The following ARHGAP15 variants were observed in gnomAD, a reference collection of about 807,000 sequenced individuals.
ARHGAP15 encodes rho GTPase-activating protein 15.
ARHGAP15 carries 51 observed loss-of-function variants against 63.7 expected under a neutral mutation model. The ratio of observed to expected loss-of-function variants is 0.80; its 90% CI spans 0.64 to 1.01. The LOEUF is 1.01. Among genes scored for constraint, ARHGAP15 ranks in the 50% least tolerant of loss-of-function variants. ARHGAP15 has a pLI of 0.00. For missense variants in ARHGAP15, 560 were observed against 564.6 expected (o/e 0.99, Z 0.08); for synonymous variants, 191 against 193.8 (o/e 0.99, Z 0.12).
chr2:143,147,465 T>C (rs185765463), intron 1 of ARHGAP15, among the ~76,000 whole-genome samples: 1 of 152,166 alleles, frequency 6.6e-6, no homozygotes, highest in Admixed American at 6.5e-5. Flanking sequence ...CTCATCTGTA[T>C]CTAAGAAGAT....
chr2:143,757,642 G>A (rs1046672315), intron 13 of ARHGAP15, among the ~76,000 whole-genome samples: 4 of 152,154 alleles, frequency 2.6e-5, no homozygotes, highest in African/African-American at 9.7e-5. Flanking sequence ...TCAATGGAGA[G>A]TGGTGGTTTA....
intron 8 of ARHGAP15, among the ~76,000 whole-genome samples, chr2:143,475,224 T>G (rs1184751379): frequency 6.6e-6 from 1 of 152,232 alleles, no homozygotes; most frequent in East Asian, 1.9e-4. Flanking sequence ...CTTTGTTTAG[T>G]GAGCATAAGC....
At chr2:143,347,275 C>T (rs779562057) in intron 6 of ARHGAP15, among the ~76,000 whole-genome samples, 1 of 152,124 alleles carries the variant, frequency 6.6e-6, no homozygotes, top group Non-Finnish European at 1.5e-5. Context: ...AAAAAGCTGC[C>T]GCAGCTGGTA....
intron 12 of ARHGAP15, among the ~76,000 whole-genome samples, chr2:143,686,636 C>T (rs1683364198): frequency 6.6e-6 from 1 of 151,892 alleles, no homozygotes. Context: ...GTATAAATGC[C>T]ATATAGAGGC....
chr2:143,463,758 T>C (rs1476666183), intron 8 of ARHGAP15, among the ~76,000 whole-genome samples: 1 of 152,212 alleles, frequency 6.6e-6, no homozygotes, highest in Non-Finnish European at 1.5e-5. Context: ...ACTTAAAGTC[T>C]GATTATTAGA....
intron 6 of ARHGAP15, among the ~76,000 whole-genome samples, chr2:143,253,621 C>A (rs1680272104): frequency 6.6e-6 from 1 of 151,900 alleles, no homozygotes. Flanking sequence ...TAACAGCACA[C>A]TCTTTGGCCT....
At chr2:143,269,294 A>T (rs1681152494) in intron 6 of ARHGAP15, among the ~76,000 whole-genome samples, 1 of 152,188 alleles carries the variant, frequency 6.6e-6, no homozygotes, top group Non-Finnish European at 1.5e-5. Flanking sequence ...TATTTAACAC[A>T]TGAGGTTGAA....
At chr2:143,458,453 C>A (rs934814845) in intron 8 of ARHGAP15, among the ~76,000 whole-genome samples, 17 of 152,106 alleles carry the variant, frequency 1.1e-4, no homozygotes, top group Admixed American at 2.6e-4. Context: ...CTGAGACCTG[C>A]GCAATGACTC....
intron 13 of ARHGAP15, among the ~76,000 whole-genome samples, chr2:143,748,540 A>G (rs1408254185): frequency 6.6e-6 from 1 of 152,250 alleles, no homozygotes; most frequent in Non-Finnish European, 1.5e-5. Flanking sequence ...AGAAAAAATA[A>G]TCACAATATC....
intron 6 of ARHGAP15, among the ~76,000 whole-genome samples, chr2:143,356,292 T>C (rs1292689951): frequency 2.0e-5 from 3 of 152,214 alleles, no homozygotes; most frequent in East Asian, 1.9e-4. Context: ...ACTGCAATGC[T>C]AATTCTGCTT....
At chr2:143,274,641 C>T (rs556740557) in intron 6 of ARHGAP15, among the ~76,000 whole-genome samples, 44 of 152,324 alleles carry the variant, frequency 2.9e-4, no homozygotes, top group African/African-American at 1.0e-3. Flanking sequence ...AATCTAATAA[C>T]TGTCTCATGT....
chr2:143,494,392 C>T (rs1692723777), intron 9 of ARHGAP15, among the ~76,000 whole-genome samples: 1 of 152,046 alleles, frequency 6.6e-6, no homozygotes, highest in Non-Finnish European at 1.5e-5. Flanking sequence ...ACCATGAAAA[C>T]AAAAACTGTG....
chr2:143,624,379 C>T (rs1200340602), intron 12 of ARHGAP15, 112 bp downstream of exon 12: 20 of 1,233,604 alleles, frequency 1.6e-5, no homozygotes, highest in African/African-American at 3.0e-5. Context: ...ATAGTATCCC[C>T]GATGCTCCAT....
chr2:143,424,931 G>T (rs1689080180), intron 6 of ARHGAP15, among the ~76,000 whole-genome samples: 1 of 152,082 alleles, frequency 6.6e-6, no homozygotes, highest in African/African-American at 2.4e-5. Context: ...TCTCAGTATT[G>T]TGTGTGTTGG....
At position 143,176,758 on chromosome 2, in the gene ARHGAP15, G is replaced by A. The variant is rs540699660; in HGVS notation, c.165+21103G>A. On this transcript the variant is annotated intron_variant, in intron 2 of 13. Transcript: ENST00000295095. ...CTGCAGTTTGGGCAGGATTCACAAGGCAAGGCTCATCTCATTGGCTGGGGC... is the reference window on the plus strand; with the variant it reads ...CTGCAGTTTGGGCAGGATTCACAAGACAAGGCTCATCTCATTGGCTGGGGC... 7.2e-5 allele frequency among the ~76,000 whole-genome samples: 11 copies of A among 152,306 alleles called. No individual in the cohort carries two copies. The East Asian group carries it at 2.1e-3, about 29-fold the overall frequency.
intron 5 of ARHGAP15, among the ~76,000 whole-genome samples, chr2:143,230,639 T>A (rs1342097275): frequency 1.3e-5 from 2 of 152,188 alleles, no homozygotes; most frequent in Non-Finnish European, 2.9e-5. Context: ...AATTACAGAT[T>A]TATGTTTGTG....
chr2:143,261,546 A>G lies in ARHGAP15; in HGVS notation c.474+10946A>G, dbSNP rs577744340. Among the ~76,000 whole-genome samples the G allele has an allele frequency of 2.0e-5, 3 of 150,820 alleles. No individual in the cohort carries two copies. In the South Asian group the frequency reaches 6.3e-4, roughly 32 times the overall value. Reference sequence around the variant, plus strand: ...ATATTTTTAGTAGAGACGGGGTTTCACCATGTTGGCCAAGCTGGTCTCGAA... The same window carrying G: ...ATATTTTTAGTAGAGACGGGGTTTCGCCATGTTGGCCAAGCTGGTCTCGAA... On this transcript the variant is annotated intron_variant, in intron 6 of 13. Transcript: ENST00000295095.
chr2:143,666,914 G>A (rs201934261), intron 12 of ARHGAP15, among the ~76,000 whole-genome samples: 10,607 of 143,984 alleles, frequency 0.074, 730 homozygotes, highest in East Asian at 0.33. Flanking sequence ...AAAAAGTCAG[G>A]AAACAACAGG....
chr2:143,274,173 C>T (rs1032900749), intron 6 of ARHGAP15, among the ~76,000 whole-genome samples: 3 of 152,126 alleles, frequency 2.0e-5, no homozygotes, highest in African/African-American at 7.2e-5. Context: ...AACAACTTTG[C>T]AGCTTCGAGG....
Sources: gnomAD v4.1 joint callset for allele counts (sites outside exome capture counted in the v4.1 genomes callset) on GRCh38, gnomAD v4.1.1 for gene constraint, MANE v1.5 for transcripts, NCBI Gene and HGNC (gene_info 2026-07-23, HGNC 2026-07-21) for gene names.